Variants in STOX2 observed in about 807,000 individuals in gnomAD.
The protein encoded by STOX2 is storkhead box 2.
STOX2 carries 28 observed loss-of-function variants against 60.9 expected under a neutral mutation model. That is an observed-to-expected ratio of 0.46 (90% CI 0.34 to 0.63). The LOEUF (loss-of-function observed/expected upper bound fraction) is 0.63, where lower values mean the gene tolerates loss of function less well. Ranked by LOEUF, STOX2 falls within the 30% of genes least tolerant of loss-of-function variation. The pLI is 0.01. For missense variants in STOX2, 1,024 were observed against 1,187.7 expected (o/e 0.86, Z 2.03); for synonymous variants, 472 against 463.9 (o/e 1.02, Z -0.22).
chr4:183,937,808 A>G (rs1399246150), intron 1 of STOX2, among the ~76,000 whole-genome samples: 2 of 152,240 alleles, frequency 1.3e-5, no homozygotes, highest in African/African-American at 4.8e-5. Context: ...TTGATTAAAG[A>G]TGAATTTTGA....
At chr4:183,924,274 T>A (rs1742179292) in intron 1 of STOX2, among the ~76,000 whole-genome samples, 1 of 152,106 alleles carries the variant, frequency 6.6e-6, no homozygotes, top group Admixed American at 6.5e-5. Flanking sequence ...GCCCCCACAG[T>A]TGGCTGGAGA....
chr4:183,957,281 A>G (rs995807748), intron 1 of STOX2, among the ~76,000 whole-genome samples: 2 of 151,700 alleles, frequency 1.3e-5, no homozygotes, highest in Admixed American at 6.6e-5. Flanking sequence ...TGATTTCTCC[A>G]TTGTCTTTTT....
Position 184,020,646 on chromosome 4 carries a change from T to A in STOX2, c.*3362T>A, listed in dbSNP as rs1282013400. The A allele has an allele frequency of 6.7e-6, 1 of 149,904 alleles. No homozygotes were observed. The highest frequency in any genetic ancestry group is 2.5e-5 in the African/African-American group (1 of 40,366). The allele number at this position is 149,904 out of a possible 1,614,324, so 9.3% of individuals were successfully genotyped here. A position where few individuals can be genotyped will look rare whatever the true frequency, so the allele number is the denominator to read the frequency against. ...ATAATTTGTATTCCATTATATATAT[T>A]TTGCACATCTCAGGGGACCATAATG... On this transcript the variant is annotated 3_prime_UTR_variant, in exon 4 of 4. Transcript: ENST00000308497.
Position 183,951,432 on chromosome 4 carries a change from G to GTCTC in STOX2, c.166+44486_166+44489dup, listed in dbSNP as rs1291496974. Among the ~76,000 whole-genome samples, 51 of 137,196 alleles carry GTCTC rather than the reference G, an allele frequency of 3.7e-4. 1 individual carries two copies. Among genetic ancestry groups the GTCTC allele is most frequent in the African/African-American group, 1.2e-3 (42 of 35,454 alleles). 90.0% of individuals were successfully genotyped at this position (137,196 alleles called of 152,430 possible). A position where few individuals can be genotyped will look rare whatever the true frequency, so the allele number is the denominator to read the frequency against. ...TTCATCCATGATTTAGAGGACGACA[G>GTCTC]TCTCTCTCTCTCTTTTTTTTTTTTT... On this transcript the variant is annotated intron_variant, in intron 1 of 3. Coordinates refer to ENST00000308497, the MANE Select transcript of STOX2 (RefSeq NM_020225.3).
At chr4:183,841,238 G>A (rs934088280) in intron 1 of STOX2, among the ~76,000 whole-genome samples, 1 of 151,696 alleles carries the variant, frequency 6.6e-6, no homozygotes, top group Non-Finnish European at 1.5e-5. Flanking sequence ...GGTTCTAGCT[G>A]TGTGGCTCAG....
At chr4:183,912,086 C>T (rs1362858420) in intron 1 of STOX2, among the ~76,000 whole-genome samples, 1 of 152,070 alleles carries the variant, frequency 6.6e-6, no homozygotes, top group Non-Finnish European at 1.5e-5. Flanking sequence ...TCTATTTGTT[C>T]CTCCCACTTA....
At chr4:183,912,478 T>G (rs949092603) in intron 1 of STOX2, among the ~76,000 whole-genome samples, 1 of 152,214 alleles carries the variant, frequency 6.6e-6, no homozygotes, top group African/African-American at 2.4e-5. Context: ...TGTTGTAGTT[T>G]ATGTGACTTT....
chr4:183,859,757 CAT>C (rs1740387877), intron 1 of STOX2, among the ~76,000 whole-genome samples: 1 of 152,386 alleles, frequency 6.6e-6, no homozygotes, highest in Middle Eastern at 3.4e-3. Flanking sequence ...CTGAAACCCA[CAT>C]GTCACTGGGA....
intron 1 of STOX2, among the ~76,000 whole-genome samples, chr4:183,966,787 A>C (rs891689491): frequency 1.3e-5 from 2 of 152,252 alleles, no homozygotes; most frequent in East Asian, 3.8e-4. Context: ...TTTGGGAGCT[A>C]TTAAAACAAG....
At chr4:183,819,098 C>T (rs925306095) in intron 1 of STOX2, among the ~76,000 whole-genome samples, 2 of 149,362 alleles carry the variant, frequency 1.3e-5, no homozygotes, top group Non-Finnish European at 1.5e-5. Flanking sequence ...ACATCCCAGA[C>T]GATGGGCGGC....
At chr4:183,877,743 C>T (rs1380395246) in intron 1 of STOX2, among the ~76,000 whole-genome samples, 2 of 152,264 alleles carry the variant, frequency 1.3e-5, no homozygotes, top group African/African-American at 2.4e-5. Context: ...TACAGTGGGG[C>T]GATCTTGGCT....
At chr4:183,947,826 T>G (rs187794232) in intron 1 of STOX2, among the ~76,000 whole-genome samples, 1 of 152,330 alleles carries the variant, frequency 6.6e-6, no homozygotes, top group East Asian at 1.9e-4. Flanking sequence ...CTAATATTAC[T>G]GCAGTTAGCA....
intron 1 of STOX2, among the ~76,000 whole-genome samples, chr4:183,953,721 A>G (rs1384363655): frequency 6.6e-6 from 1 of 152,056 alleles, no homozygotes; most frequent in East Asian, 1.9e-4. Flanking sequence ...GTGCACCACC[A>G]TGCCCAGCTA....
intron 1 of STOX2, among the ~76,000 whole-genome samples, chr4:183,837,326 C>T (rs1304823992): frequency 6.6e-6 from 1 of 152,088 alleles, no homozygotes; most frequent in Non-Finnish European, 1.5e-5. Flanking sequence ...AACTCCCATC[C>T]CCTGGCACCC....
At chr4:184,003,048 G>A (rs773878980) in intron 2 of STOX2, among the ~76,000 whole-genome samples, 1 of 152,130 alleles carries the variant, frequency 6.6e-6, no homozygotes, top group African/African-American at 2.4e-5. Context: ...CTAGGCAAAC[G>A]CCTTTCCTTT....
At chr4:183,816,415 T>C (rs1739155018) in intron 1 of STOX2, among the ~76,000 whole-genome samples, 1 of 152,194 alleles carries the variant, frequency 6.6e-6, no homozygotes, top group African/African-American at 2.4e-5. Context: ...GTTAATATCA[T>C]ATGTTCTCAC....
intron 1 of STOX2, among the ~76,000 whole-genome samples, chr4:183,931,592 A>G (rs1310028898): frequency 6.6e-6 from 1 of 152,208 alleles, no homozygotes; most frequent in Non-Finnish European, 1.5e-5. Context: ...TATGCAGACT[A>G]TTGTGAAAGA....
chr4:183,973,635 A>G (rs549577218), intron 1 of STOX2, among the ~76,000 whole-genome samples: 26 of 152,372 alleles, frequency 1.7e-4, no homozygotes, highest in African/African-American at 6.3e-4. Flanking sequence ...TTGAAACATC[A>G]AGAGAAAAAG....
chr4:183,996,907 TTTA>T (rs1733368351), intron 1 of STOX2, among the ~76,000 whole-genome samples: 1 of 152,200 alleles, frequency 6.6e-6, no homozygotes, highest in South Asian at 2.1e-4. Flanking sequence ...TTTGCTATTA[TTTA>T]GCAAAAATAT....
Sources: gnomAD v4.1 joint callset for allele counts (sites outside exome capture counted in the v4.1 genomes callset) on GRCh38, gnomAD v4.1.1 for gene constraint, MANE v1.5 for transcripts, NCBI Gene and HGNC (gene_info 2026-07-23, HGNC 2026-07-21) for gene names.